Variants in IL7 observed in about 807,000 individuals in gnomAD.
IL7 encodes the protein interleukin 7, also known as interleukin-7.
A neutral mutation model predicts 21.6 loss-of-function variants in IL7; 3 were observed. That is an observed-to-expected ratio of 0.14 (90% confidence interval 0.06 to 0.36). IL7 has a LOEUF of 0.36. Ranked by LOEUF, IL7 falls within the 10% of genes least tolerant of loss-of-function variation. The pLI is 1.00. For synonymous variants in IL7, 62 were observed against 68.1 expected (o/e 0.91, Z 0.44); for missense variants, 175 against 200.2 (o/e 0.87, Z 0.76).
chr8:78,731,970 T>C (rs1255516910), downstream of IL7, among the ~76,000 whole-genome samples: 2 of 152,086 alleles, frequency 1.3e-5, no homozygotes, highest in Admixed American at 6.6e-5. Context: ...TAGGGAACAT[T>C]ATAGATAGCC....
chr8:78,687,644 A>G (rs991121880), intron 3 of IL7, among the ~76,000 whole-genome samples: 3 of 130,222 alleles, frequency 2.3e-5, no homozygotes, highest in Non-Finnish European at 1.6e-5. Context: ...TTATATATAT[A>G]TTTACGTAAT....
At chr8:78,729,435 T>C (rs1487238381), downstream of IL7, among the ~76,000 whole-genome samples, 1 of 152,054 alleles carries the variant, frequency 6.6e-6, no homozygotes, top group Non-Finnish European at 1.5e-5. Context: ...AGTAAACCCC[T>C]ATTTGGCTGT....
At chr8:78,709,803 A>G (rs1387821313) in intron 3 of IL7, among the ~76,000 whole-genome samples, 1 of 152,192 alleles carries the variant, frequency 6.6e-6, no homozygotes, top group Non-Finnish European at 1.5e-5. Flanking sequence ...CTTGGGTGGC[A>G]TGTGGCCTGT....
intron 3 of IL7, among the ~76,000 whole-genome samples, chr8:78,707,606 A>G (rs1166569810): frequency 6.6e-6 from 1 of 152,244 alleles, no homozygotes; most frequent in Non-Finnish European, 1.5e-5. Flanking sequence ...GATGAATGCC[A>G]TGAAGAATAC....
intron 3 of IL7, among the ~76,000 whole-genome samples, chr8:78,712,823 G>C (rs1258897486): frequency 6.6e-6 from 1 of 152,126 alleles, no homozygotes; most frequent in African/African-American, 2.4e-5. Flanking sequence ...CCTATTAATG[G>C]TGGAAAATAT....
At chr8:78,752,668 A>G (rs982205155) in intron 2 of IL7, among the ~76,000 whole-genome samples, 2 of 152,134 alleles carry the variant, frequency 1.3e-5, no homozygotes, top group African/African-American at 4.8e-5. Context: ...ATAGGTATAC[A>G]TGTGCCATGG....
intron 3 of IL7, among the ~76,000 whole-genome samples, chr8:78,698,129 C>T (rs1235568067): frequency 2.0e-5 from 3 of 152,116 alleles, no homozygotes; most frequent in Non-Finnish European, 4.4e-5. Flanking sequence ...GCTTTCTGAA[C>T]TGGGCAATTG....
intron 1 of IL7, among the ~76,000 whole-genome samples, chr8:78,801,063 T>G (rs1814039691): frequency 1.3e-5 from 2 of 152,204 alleles, no homozygotes; most frequent in African/African-American, 4.8e-5. Flanking sequence ...AATTCAGTCT[T>G]TTTGTATATT....
chr8:78,747,904 A>G (rs769515518), intron 2 of IL7, among the ~76,000 whole-genome samples: 34 of 152,210 alleles, frequency 2.2e-4, no homozygotes, highest in Admixed American at 5.9e-4. Flanking sequence ...AAAAACCTCA[A>G]TGAATACTTC....
At chr8:78,689,681 A>G (rs1352911010) in intron 3 of IL7, among the ~76,000 whole-genome samples, 2 of 152,058 alleles carry the variant, frequency 1.3e-5, no homozygotes, top group Non-Finnish European at 2.9e-5. Flanking sequence ...TTTTTAGATT[A>G]TCGAGTGAAA....
At chr8:78,763,835 A>G (rs1470210275) in intron 2 of IL7, among the ~76,000 whole-genome samples, 3 of 152,180 alleles carry the variant, frequency 2.0e-5, no homozygotes, top group Non-Finnish European at 2.9e-5. Flanking sequence ...CTATAAGGCC[A>G]GCATTACCCT....
At chr8:78,683,156 C>T (rs979416208) in intron 4 of IL7, among the ~76,000 whole-genome samples, 2 of 151,880 alleles carry the variant, frequency 1.3e-5, no homozygotes, top group African/African-American at 2.4e-5. Context: ...TGCAACCTGT[C>T]GGTGGATCTA....
chr8:78,700,370 A>G (rs1810561129), intron 3 of IL7, among the ~76,000 whole-genome samples: 1 of 149,434 alleles, frequency 6.7e-6, no homozygotes, highest in Admixed American at 6.6e-5. Context: ...TTTTTCTTGT[A>G]AGTTTGTTTG....
chr8:78,717,652 A>C, downstream of IL7: 1 of 690,400 alleles, frequency 1.4e-6, no homozygotes. Context: ...TAATGTGTGT[A>C]TGTTTATATG....
chr8:78,681,504 A>C (rs1347004949), intron 4 of IL7, among the ~76,000 whole-genome samples: 1 of 152,158 alleles, frequency 6.6e-6, no homozygotes, highest in Non-Finnish European at 1.5e-5. Context: ...ATTTATATTA[A>C]TCAGAGAAGT....
chr8:78,774,688 A>G (rs1813073790), intron 2 of IL7, among the ~76,000 whole-genome samples: 1 of 152,162 alleles, frequency 6.6e-6, no homozygotes, highest in South Asian at 2.1e-4. Context: ...TAGAAAGTTA[A>G]TATTTTAACA....
intron 2 of IL7, among the ~76,000 whole-genome samples, chr8:78,752,583 A>G (rs1237638144): frequency 6.6e-6 from 1 of 151,930 alleles, no homozygotes; most frequent in African/African-American, 2.4e-5. Flanking sequence ...ATAAATGTCT[A>G]TTCACATCCT....
chr8:78,801,714 A>T (rs1418189905), intron 1 of IL7, among the ~76,000 whole-genome samples: 1 of 152,220 alleles, frequency 6.6e-6, no homozygotes, highest in Admixed American at 6.5e-5. Flanking sequence ...CATCTTGCAG[A>T]CACCTTATTC....
chr8:78,675,095 A>G (rs1809539488), downstream of IL7, among the ~76,000 whole-genome samples: 1 of 151,622 alleles, frequency 6.6e-6, no homozygotes, highest in Non-Finnish European at 1.5e-5. Flanking sequence ...CTTTTTAGTA[A>G]TAACATTTGT....
Sources: allele counts gnomAD v4.1 joint callset (sites outside exome capture counted in the v4.1 genomes callset), GRCh38; gene constraint gnomAD v4.1.1; transcripts MANE v1.5; gene names NCBI Gene and HGNC (gene_info 2026-07-23, HGNC 2026-07-21).